The following MRS2 variants were observed in gnomAD, a reference collection of about 807,000 sequenced individuals.
MRS2 encodes the protein magnesium transporter MRS2 homolog, mitochondrial.
MRS2 carries 40 observed loss-of-function variants against 52.6 expected under a neutral mutation model. The observed-to-expected ratio is 0.76, with a 90% CI of 0.59 to 0.99. The LOEUF is 0.99. MRS2 is among the 50% of genes least tolerant of loss of function. The pLI is 0.00. For synonymous variants in MRS2, 193 were observed against 195.9 expected (o/e 0.98, Z 0.13); for missense variants, 472 against 532.7 (o/e 0.89, Z 1.12).
intron 10 of MRS2, 121 bp from the exon 11 acceptor site, chr6:24,423,463 T>A: frequency 1.9e-6 from 1 of 530,156 alleles, no homozygotes. Flanking sequence ...CTGGAATAAA[T>A]ACTTAAGACA....
chr6:24,413,429 A>G (rs1761733245), intron 5 of MRS2, among the ~76,000 whole-genome samples: 1 of 152,180 alleles, frequency 6.6e-6, no homozygotes, highest in South Asian at 2.1e-4. Context: ...GCCACCTCTC[A>G]AAAGGGATAA....
intron 9 of MRS2, among the ~76,000 whole-genome samples, chr6:24,420,159 C>G (rs1445896559): frequency 5.9e-5 from 9 of 152,238 alleles, no homozygotes; most frequent in Non-Finnish European, 1.3e-4. Flanking sequence ...GTTACTACCT[C>G]TCTCAGTGTC....
chr6:24,414,285 G>A (rs1019047417), intron 5 of MRS2, among the ~76,000 whole-genome samples: 1 of 152,114 alleles, frequency 6.6e-6, no homozygotes, highest in African/African-American at 2.4e-5. Flanking sequence ...TTCCTAGGAA[G>A]AGGACCCTGC....
chr6:24,423,693 A>T lies in MRS2; in HGVS notation c.1331A>T (p.Ter444LeuextTer7). The T allele has an allele frequency of 6.3e-7, 1 of 1,575,432 alleles. No homozygotes were observed. The change falls in exon 11 of 11, where the codon TAG becomes TTG. Residue 444 changes from the stop codon to leucine, a stop_lost. Coordinates refer to ENST00000378386, the MANE Select transcript of MRS2 (RefSeq NM_020662.4). ...GSGRSILTNR[*>L] ...GGAAGGAGCATCCTAACAAACCGTTAGGAACAGCCCCGTGGATACTGAAGT... is the reference window on the plus strand; with the variant it reads ...GGAAGGAGCATCCTAACAAACCGTTTGGAACAGCCCCGTGGATACTGAAGT...
intron 6 of MRS2, among the ~76,000 whole-genome samples, chr6:24,415,984 G>C (rs1030209754): frequency 1.1e-4 from 17 of 152,162 alleles, no homozygotes; most frequent in Middle Eastern, 3.4e-3. Flanking sequence ...AGGCTGGAGT[G>C]CAGTGGTGCA....
chr6:24,423,605 ACT>A lies in MRS2; in HGVS notation c.1246_1247del (p.Leu416SerfsTer4), dbSNP rs1034189897. 5 of 1,607,174 alleles carry A rather than the reference ACT, an allele frequency of 3.1e-6. No individual in the cohort carries two copies. The highest frequency in any genetic ancestry group is 1.7e-5 in the Admixed American group (1 of 59,564). On this transcript the variant is annotated frameshift_variant, in exon 11 of 11. Coordinates refer to ENST00000378386, the MANE Select transcript of MRS2 (RefSeq NM_020662.4). LOFTEE classifies it high-confidence loss of function. ...TTAGATGGCTTCTTTACCTAAAAAG[ACT>A]CTTCTGGCAGATAGAAGCATGGAAT... is the stretch of plus-strand genomic sequence containing the variant. The part of the protein sequence containing the change: ...PPMMASLPKK[T>X]LLADRSMELK...
At chr6:24,403,448 G>C (rs1355778300) in intron 1 of MRS2, among the ~76,000 whole-genome samples, 1 of 152,224 alleles carries the variant, frequency 6.6e-6, no homozygotes, top group East Asian at 1.9e-4. Context: ...TGCCCTGCCG[G>C]GGTCCCAGCG....
At chr6:24,403,431 T>G (rs1158413230) in intron 1 of MRS2, among the ~76,000 whole-genome samples, 195 bp downstream of exon 1, 1 of 152,230 alleles carries the variant, frequency 6.6e-6, no homozygotes, top group African/African-American at 2.4e-5. Flanking sequence ...CCTTGCTATG[T>G]GCGCTGTGCC....
intron 7 of MRS2, 54 bp downstream of exon 7, chr6:24,416,567 T>C: frequency 1.1e-6 from 1 of 939,086 alleles, no homozygotes; most frequent in Non-Finnish European, 1.7e-6. Context: ...ATCTTTTGCC[T>C]TTTCCACTTC....
intron 8 of MRS2, 44 bp downstream of exon 8, chr6:24,418,280 TTATAAG>T (rs1561813251): frequency 1.4e-6 from 2 of 1,380,968 alleles, no homozygotes; most frequent in South Asian, 1.4e-5. Context: ...AATAAAATAA[TTATAAG>T]AAAGTTTTTA....
chr6:24,418,889 A>C, intron 9 of MRS2: 1 of 187,942 alleles, frequency 5.3e-6, no homozygotes, highest in South Asian at 1.0e-4. Flanking sequence ...ACAGAGTGAG[A>C]CTCTGTCTCC....
At position 24,425,519 on chromosome 6, in the gene MRS2, CT is replaced by C. The variant is rs773599112; in HGVS notation, c.*1829del. On this transcript the variant is annotated 3_prime_UTR_variant, in exon 11 of 11. Coordinates refer to ENST00000378386, the MANE Select transcript of MRS2 (RefSeq NM_020662.4). The stretch of plus-strand genomic sequence containing the variant: ...GATTTCAAAATATCAACTAGTTCCA[CT>C]TTTGTGATTGCAGGATGCTTCTTAT... 3 of 152,218 alleles carry C rather than the reference CT, an allele frequency of 2.0e-5. 1 individual carries two copies. Among genetic ancestry groups the C allele is most frequent in the African/African-American group, 7.2e-5 (3 of 41,454 alleles). 9.4% of individuals were successfully genotyped at this position (152,218 alleles called of 1,614,324 possible).
intron 5 of MRS2, among the ~76,000 whole-genome samples, chr6:24,413,214 G>A (rs1369636924): frequency 6.6e-6 from 1 of 152,096 alleles, no homozygotes; most frequent in Non-Finnish European, 1.5e-5. Flanking sequence ...AGGAGCTCAT[G>A]CTGTTAGGAG....
chr6:24,423,092 T>G, intron 10 of MRS2, 42 bp downstream of exon 10: 1 of 1,508,344 alleles, frequency 6.6e-7, no homozygotes, highest in Non-Finnish European at 9.2e-7. Flanking sequence ...GGAAGGGTTA[T>G]GATCATGGGC....
chr6:24,409,721 AT>A (rs1365347904), intron 4 of MRS2, 148 bp downstream of exon 4: 8 of 575,742 alleles, frequency 1.4e-5, no homozygotes, highest in Non-Finnish European at 2.5e-5. Flanking sequence ...TTAATATGCT[AT>A]TATGAGTAGA....
At chr6:24,418,272 TAAA>T (rs754199642) in intron 8 of MRS2, 36 bp downstream of exon 8, 1 of 1,498,476 alleles carries the variant, frequency 6.7e-7, no homozygotes, top group Non-Finnish European at 8.9e-7. Flanking sequence ...GTTTTTTTAA[TAAA>T]ATAATTATAA....
In MRS2 at chr6:24,424,352, A is replaced by G. The variant is rs76976894; in HGVS notation, c.*658A>G. ...CTCTGTAATTAGAGCCTTTGGAAGC[A>G]AAGTTGAAAGGAAGTATTTCCATTC... On this transcript the variant is annotated 3_prime_UTR_variant, in exon 11 of 11. Coordinates refer to ENST00000378386, the MANE Select transcript of MRS2 (RefSeq NM_020662.4). The G allele has an allele frequency of 0.12, 18,665 of 151,422 alleles. 1,481 individuals carry two copies. Among genetic ancestry groups the G allele is most frequent in the East Asian group, 0.16 (811 of 5,178 alleles). The allele number at this position is 151,422 out of a possible 1,614,324, so 9.4% of individuals were successfully genotyped here. A position where few individuals can be genotyped will look rare whatever the true frequency, so the allele number is the denominator to read the frequency against.
chr6:24,403,253 G>A lies in MRS2; in HGVS notation c.190+17G>A. The A allele has an allele frequency of 6.3e-7, 1 of 1,581,962 alleles. No homozygotes were observed. The highest frequency in any genetic ancestry group is 8.5e-7 in the Non-Finnish European group (1 of 1,172,566). On this transcript the variant is annotated intron_variant, in intron 1 of 10. Coordinates refer to ENST00000378386, the MANE Select transcript of MRS2 (RefSeq NM_020662.4). ...GCGTGGCAGGTACTGCCCTTCCCCG[G>A]CAACAGCCTTGGGACGCTGGTCTTG...
rs781236240 is a variant in MRS2, at chr6:24,405,197, G to A, written c.220G>A (p.Val74Ile). ...GEVHRFRTSDVSQATLASVAP... is the reference protein window; with the variant it reads ...GEVHRFRTSDISQATLASVAP... ...AGTGCACCGGTTTAGAACCTCTGAC[G>A]TCTCTCAAGCCACTTTAGCCAGTGT... Residue 74 changes from valine to isoleucine, a missense_variant, in exon 2 of 11, where the codon GTC (valine) becomes ATC (isoleucine). By Grantham distance (29) the Val-to-Ile change is conservative. Transcript: ENST00000378386. The A allele has an allele frequency of 9.3e-6, 15 of 1,613,842 alleles. No homozygotes were observed. In the Admixed American group the frequency reaches 1.3e-4, roughly 14 times the overall value.
Sources: gnomAD v4.1 joint callset for allele counts (sites outside exome capture counted in the v4.1 genomes callset) on GRCh38, gnomAD v4.1.1 for gene constraint, MANE v1.5 for transcripts, NCBI Gene and HGNC (gene_info 2026-07-23, HGNC 2026-07-21) for gene names.